Variants in SLC10A2 observed in about 807,000 individuals in gnomAD.
SLC10A2 encodes the protein solute carrier family 10 member 2.
Under a neutral mutation model 27.1 loss-of-function variants are expected in SLC10A2, and 34 were observed. The ratio of observed to expected loss-of-function variants is 1.26; its 90% CI spans 0.96 to 1.67. The LOEUF (loss-of-function observed/expected upper bound fraction) is 1.67. Ranked by LOEUF, SLC10A2 falls within the 40% of genes most tolerant of loss-of-function variation. The pLI, the probability that SLC10A2 is intolerant of heterozygous loss-of-function variation, is 0.00. For missense variants in SLC10A2, 530 were observed against 444.4 expected (o/e 1.19, Z -1.73); for synonymous variants, 205 against 174.0 (o/e 1.18, Z -1.40).
intron 1 of SLC10A2, among the ~76,000 whole-genome samples, chr13:103,059,716 A>G (rs1876046478): frequency 6.6e-6 from 1 of 152,186 alleles, no homozygotes; most frequent in Non-Finnish European, 1.5e-5. Context: ...CATTTAAAGC[A>G]GCTGACACCA....
chr13:103,051,901 C>A (rs571551221), intron 3 of SLC10A2, among the ~76,000 whole-genome samples: 6 of 152,082 alleles, frequency 3.9e-5, no homozygotes, highest in Admixed American at 3.9e-4. Flanking sequence ...GAACTCTATA[C>A]AACTTTAAAA....
Position 103,046,038 on chromosome 13 carries a change from T to C in SLC10A2, c.*95A>G, listed in dbSNP as rs201503819. The C allele has an allele frequency of 6.1e-5, 90 of 1,475,928 alleles. No homozygotes were observed. The Admixed American group carries it at 9.1e-4, about 15-fold the overall frequency. The allele number at this position is 1,475,928 out of a possible 1,614,324, so 91.4% of individuals were successfully genotyped here. ...ATGAAATTCCAATTTTCACTTTAAC[T>C]CTTTTCTGCCAACTGTCCTACCAAA... On this transcript the variant is annotated 3_prime_UTR_variant, in exon 6 of 6. Transcript: ENST00000245312.
intron 2 of SLC10A2, among the ~76,000 whole-genome samples, chr13:103,053,855 G>T (rs563427390): frequency 7.6e-4 from 98 of 128,982 alleles, no homozygotes; most frequent in Non-Finnish European, 1.4e-3. Context: ...ACTAAGAGTA[G>T]GAAAAAAAAA....
Position 103,066,386 on chromosome 13 carries a change from G to T in SLC10A2, c.-137C>A. On this transcript the variant is annotated 5_prime_UTR_variant, in exon 1 of 6. Coordinates refer to ENST00000245312, the MANE Select transcript of SLC10A2 (RefSeq NM_000452.3). ...AACCCCTCCTAAAAATATGTCACTT[G>T]GTGTCTCTTTTGAAAGCCACCTTAG... is the stretch of plus-strand genomic sequence containing the variant. The T allele has an allele frequency of 2.2e-6, 2 of 925,244 alleles. No individual in the cohort carries two copies. The highest frequency in any genetic ancestry group is 3.1e-6 in the Non-Finnish European group (2 of 646,862). 57.3% of individuals were successfully genotyped at this position (925,244 alleles called of 1,614,324 possible).
At chr13:103,052,536 G>C in intron 3 of SLC10A2, 84 bp downstream of exon 3, 1 of 977,546 alleles carries the variant, frequency 1.0e-6, no homozygotes, top group Non-Finnish European at 1.7e-6. Flanking sequence ...CATATAATGA[G>C]AATGAAACCA....
intron 1 of SLC10A2, among the ~76,000 whole-genome samples, chr13:103,064,586 G>A (rs993299534): frequency 1.3e-5 from 2 of 152,180 alleles, no homozygotes; most frequent in African/African-American, 4.8e-5. Context: ...ACTTTTCTCA[G>A]TGTAACAGGT....
Position 103,060,536 on chromosome 13 carries a change from A to T in SLC10A2, c.378-2154T>A, listed in dbSNP as rs182969628. Among the ~76,000 whole-genome samples, 4 of 151,896 alleles carry T rather than the reference A, an allele frequency of 2.6e-5. No homozygotes were observed. In the East Asian group the frequency reaches 7.8e-4, roughly 29 times the overall value. On this transcript the variant is annotated intron_variant, in intron 1 of 5. Coordinates refer to ENST00000245312, the MANE Select transcript of SLC10A2 (RefSeq NM_000452.3). The stretch of plus-strand genomic sequence containing the variant: ...GAATACAGGCATGAGCCACCATGCC[A>T]GGCTAATTTTTAAATTTTTTGTAGA...
intron 2 of SLC10A2, among the ~76,000 whole-genome samples, chr13:103,055,559 T>C (rs1875913637): frequency 6.6e-6 from 1 of 152,166 alleles, no homozygotes; most frequent in Non-Finnish European, 1.5e-5. Flanking sequence ...ATTTTCTATG[T>C]TAAAGAACTA....
chr13:103,052,580 T>A, intron 3 of SLC10A2, 40 bp downstream of exon 3: 1 of 1,335,120 alleles, frequency 7.5e-7, no homozygotes, highest in Non-Finnish European at 1.1e-6. Context: ...GTTTTGATTG[T>A]CACAGTGGAA....
chr13:103,052,791 A>C, intron 2 of SLC10A2, 83 bp from the exon 3 acceptor site: 1 of 848,124 alleles, frequency 1.2e-6, no homozygotes, highest in South Asian at 1.3e-5. Context: ...AGCCTGAAGA[A>C]AGATTAGGTG....
chr13:103,058,161 T>G (rs1595441193), intron 2 of SLC10A2, 103 bp downstream of exon 2: 2 of 798,984 alleles, frequency 2.5e-6, no homozygotes, highest in Admixed American at 1.7e-5. Flanking sequence ...AAACTCCTAC[T>G]AGGGCAATAA....
chr13:103,065,202 C>T (rs531977041), intron 1 of SLC10A2, among the ~76,000 whole-genome samples: 45 of 151,972 alleles, frequency 3.0e-4, no homozygotes, highest in Non-Finnish European at 4.0e-4. Context: ...CAGACTGGCA[C>T]GGGATGAAAT....
intron 3 of SLC10A2, among the ~76,000 whole-genome samples, chr13:103,051,904 C>T (rs1224829230): frequency 6.6e-6 from 1 of 151,894 alleles, no homozygotes; most frequent in Non-Finnish European, 1.5e-5. Flanking sequence ...CTCTATACAA[C>T]TTTAAAAAAG....
At chr13:103,055,823 T>A (rs965581695) in intron 2 of SLC10A2, among the ~76,000 whole-genome samples, 1 of 152,206 alleles carries the variant, frequency 6.6e-6, no homozygotes, top group Non-Finnish European at 1.5e-5. Context: ...ATAAGTACAT[T>A]CTATGTCCTT....
intron 2 of SLC10A2, 120 bp downstream of exon 2, chr13:103,058,144 C>T (rs963651274): frequency 1.3e-6 from 1 of 774,030 alleles, no homozygotes; most frequent in African/African-American, 1.7e-5. Context: ...ATAATGAAAT[C>T]AGGCAAAAAC....
intron 1 of SLC10A2, among the ~76,000 whole-genome samples, chr13:103,060,319 C>G (rs979866514): frequency 1.3e-5 from 2 of 151,686 alleles, no homozygotes; most frequent in African/African-American, 4.9e-5. Context: ...ATAGAATGAG[C>G]CAATGGTGTC....
In SLC10A2 at chr13:103,044,220, CT is replaced by C. The variant is rs1225851892; in HGVS notation, c.*1912del. On this transcript the variant is annotated 3_prime_UTR_variant, in exon 6 of 6. Coordinates refer to ENST00000245312, the MANE Select transcript of SLC10A2 (RefSeq NM_000452.3). ...ATCATGTAAGAAAGCCAAGTCCTATCTTGCTCACCTGTCTTGCTCAACAGGG... is the reference window on the plus strand; with the variant it reads ...ATCATGTAAGAAAGCCAAGTCCTATCTGCTCACCTGTCTTGCTCAACAGGG... 1 of 152,194 alleles carries C rather than the reference CT, an allele frequency of 6.6e-6. No homozygotes were observed. Among genetic ancestry groups the C allele is most frequent in the Non-Finnish European group, 1.5e-5 (1 of 68,034 alleles). 9.4% of individuals were successfully genotyped at this position (152,194 alleles called of 1,614,324 possible).
chr13:103,061,568 T>C (rs1287218069), intron 1 of SLC10A2, among the ~76,000 whole-genome samples: 1 of 152,154 alleles, frequency 6.6e-6, no homozygotes, highest in Non-Finnish European at 1.5e-5. Context: ...TTTGTTTTTT[T>C]TTCAAAGATC....
At chr13:103,062,452 A>T (rs1344787927) in intron 1 of SLC10A2, among the ~76,000 whole-genome samples, 1 of 152,258 alleles carries the variant, frequency 6.6e-6, no homozygotes, top group Non-Finnish European at 1.5e-5. Flanking sequence ...TATTTTGAGT[A>T]CTTAGCACTG....
Sources: allele counts gnomAD v4.1 joint callset (sites outside exome capture counted in the v4.1 genomes callset), GRCh38; gene constraint gnomAD v4.1.1; transcripts MANE v1.5; gene names NCBI Gene and HGNC (gene_info 2026-07-23, HGNC 2026-07-21).